The following USP28 variants were observed in gnomAD, a reference collection of about 807,000 sequenced individuals.
USP28 encodes the protein ubiquitin specific peptidase 28, also known as ubiquitin carboxyl-terminal hydrolase 28.
USP28 carries 113 observed loss-of-function variants against 145.0 expected under a neutral mutation model. The ratio of observed to expected loss-of-function variants is 0.78; its 90% CI spans 0.67 to 0.91. The LOEUF is 0.91. Among genes scored for constraint, USP28 ranks in the 40% least tolerant of loss-of-function variants. The pLI is 0.00. For synonymous variants in USP28, 447 were observed against 450.9 expected (o/e 0.99, Z 0.11); for missense variants, 1,201 against 1,289.6 (o/e 0.93, Z 1.05).
At chr11:113,843,338 T>C (rs1945421022) in intron 3 of USP28, among the ~76,000 whole-genome samples, 1 of 152,066 alleles carries the variant, frequency 6.6e-6, no homozygotes, top group South Asian at 2.1e-4. Flanking sequence ...TCTGGCACAC[T>C]GCCTGTGTGG....
At chr11:113,801,507 A>T in exon 24 of USP28, 1 of 1,588,310 alleles carries the variant, frequency 6.3e-7, no homozygotes, top group Non-Finnish European at 8.6e-7. Context: ...CCAAGGTAAG[A>T]GCACCAATGG....
chr11:113,800,653 T>C (rs966004821), intron 24 of USP28, among the ~76,000 whole-genome samples: 4 of 152,164 alleles, frequency 2.6e-5, no homozygotes, highest in Non-Finnish European at 1.5e-5. Context: ...TCAGAATATA[T>C]AACAATTTTC....
chr11:113,829,048 CACATCA>C, intron 10 of USP28, 143 bp downstream of exon 10: 1 of 1,004,130 alleles, frequency 1.0e-6, no homozygotes, highest in Non-Finnish European at 1.5e-6. Context: ...CTCACTGACT[CACATCA>C]ACTGATGAGA....
intron 8 of USP28, among the ~76,000 whole-genome samples, chr11:113,831,443 T>C (rs187608702): frequency 1.2e-4 from 19 of 152,350 alleles, no homozygotes; most frequent in Admixed American, 1.0e-3. Context: ...TGCTTCTACC[T>C]AGAATTGAAA....
chr11:113,830,794 G>A, intron 9 of USP28, 73 bp downstream of exon 9: 1 of 1,436,066 alleles, frequency 7.0e-7, no homozygotes. Flanking sequence ...TCACTATACT[G>A]CCTCCTCAAA....
At chr11:113,842,580 G>A (rs554439100) in intron 3 of USP28, among the ~76,000 whole-genome samples, 117 of 144,664 alleles carry the variant, frequency 8.1e-4, no homozygotes, top group Middle Eastern at 7.5e-3. Context: ...GTGAGACTCC[G>A]TCTCAGAAAA....
chr11:113,815,632 C>G (rs868127807), intron 13 of USP28, among the ~76,000 whole-genome samples: 2 of 152,206 alleles, frequency 1.3e-5, no homozygotes, highest in East Asian at 3.9e-4. Flanking sequence ...AGCAACATGC[C>G]CAAGTTCACC....
chr11:113,844,315 C>A (rs1325600166), intron 3 of USP28, among the ~76,000 whole-genome samples: 2 of 151,958 alleles, frequency 1.3e-5, no homozygotes, highest in African/African-American at 4.8e-5. Context: ...GTGGCAGGTG[C>A]CTGTAATCTC....
intron 12 of USP28, chr11:113,821,321 GA>G (rs1248218500): frequency 4.4e-6 from 1 of 226,330 alleles, no homozygotes; most frequent in African/African-American, 2.3e-5. Flanking sequence ...ATGGAACCAA[GA>G]AAGTAACATG....
chr11:113,819,720 A>ATTAT (rs760828735), intron 12 of USP28, among the ~76,000 whole-genome samples: 3 of 152,134 alleles, frequency 2.0e-5, no homozygotes, highest in Non-Finnish European at 4.4e-5. Flanking sequence ...ACTAAAAACA[A>ATTAT]TTATTTATTT....
intron 13 of USP28, among the ~76,000 whole-genome samples, chr11:113,817,248 CT>C (rs1941875246): frequency 6.6e-6 from 1 of 152,184 alleles, no homozygotes. Flanking sequence ...TACTAATTTT[CT>C]ATTCAAGAAT....
chr11:113,875,539 C>A (rs1248661276), exon 1 of USP28: 5 of 1,137,350 alleles, frequency 4.4e-6, no homozygotes, highest in Admixed American at 4.9e-5. Context: ...GGTCTCCCGC[C>A]GCAGCCGCCG....
chr11:113,854,378 A>G (rs1417040946), intron 1 of USP28, 43 bp from the exon 2 acceptor site: 2 of 1,557,834 alleles, frequency 1.3e-6, no homozygotes, highest in Non-Finnish European at 1.8e-6. Context: ...GTCAGTCAGA[A>G]AGTAAACCTG....
chr11:113,821,164 A>G (rs1181154149), intron 12 of USP28: 2 of 226,492 alleles, frequency 8.8e-6, no homozygotes, highest in Admixed American at 4.5e-5. Flanking sequence ...TATCTTCAAT[A>G]TATGCCATGA....
At chr11:113,808,831 T>C (rs771198613) in intron 17 of USP28, among the ~76,000 whole-genome samples, 24 of 152,258 alleles carry the variant, frequency 1.6e-4, no homozygotes, top group Non-Finnish European at 2.5e-4. Context: ...CAAAACTATA[T>C]ACACAGTGAA....
intron 1 of USP28, among the ~76,000 whole-genome samples, chr11:113,872,668 A>C (rs1948943278): frequency 6.6e-6 from 1 of 152,206 alleles, no homozygotes; most frequent in African/African-American, 2.4e-5. Flanking sequence ...GGTTTTTATA[A>C]GGCTTCAGCT....
At chr11:113,804,785 G>C (rs1298339318) in intron 20 of USP28, 34 bp from the exon 22 acceptor site, 3 of 1,612,176 alleles carry the variant, frequency 1.9e-6, no homozygotes, top group African/African-American at 1.4e-5. Flanking sequence ...GCAATGAAAA[G>C]GCACAGGGCA....
intron 3 of USP28, among the ~76,000 whole-genome samples, chr11:113,847,957 A>G (rs941007084): frequency 6.6e-6 from 1 of 152,190 alleles, no homozygotes; most frequent in Non-Finnish European, 1.5e-5. Flanking sequence ...TGCTATCTCA[A>G]CTTCCTCTCA....
At chr11:113,805,976 T>G (rs1345322197) in intron 19 of USP28, among the ~76,000 whole-genome samples, 2 of 152,118 alleles carry the variant, frequency 1.3e-5, no homozygotes, top group Non-Finnish European at 2.9e-5. Context: ...TCACCCAGAC[T>G]GGAATGCAGT....
Sources: gnomAD v4.1 joint callset for allele counts (sites outside exome capture counted in the v4.1 genomes callset) on GRCh38, gnomAD v4.1.1 for gene constraint, MANE v1.5 for transcripts, NCBI Gene and HGNC (gene_info 2026-07-23, HGNC 2026-07-21) for gene names.